The following SNTG1 variants were observed in gnomAD, a reference collection of about 807,000 sequenced individuals.
The protein encoded by SNTG1 is gamma-1-syntrophin.
In SNTG1, 39 loss-of-function variants were observed where a neutral mutation model predicts 74.7. The ratio of observed to expected loss-of-function variants is 0.52; its 90% CI spans 0.40 to 0.68. The LOEUF is 0.68. SNTG1 is among the 30% of genes least tolerant of loss of function. The pLI, the probability that SNTG1 is intolerant of heterozygous loss-of-function variation, is 0.00. For synonymous variants in SNTG1, 254 were observed against 217.1 expected (o/e 1.17, Z -1.49); for missense variants, 685 against 609.5 (o/e 1.12, Z -1.30).
intron 9 of SNTG1, among the ~76,000 whole-genome samples, chr8:50,516,834 G>A (rs908390109): frequency 1.3e-5 from 2 of 152,196 alleles, no homozygotes; most frequent in African/African-American, 4.8e-5. Context: ...GTGCCTAAAA[G>A]TGAAAGGGAG....
chr8:50,416,336 C>T (rs1281638464), intron 4 of SNTG1, among the ~76,000 whole-genome samples: 2 of 152,134 alleles, frequency 1.3e-5, no homozygotes, highest in Non-Finnish European at 2.9e-5. Context: ...TGCTTCATTC[C>T]ATTCTAAAAC....
At chr8:50,035,220 C>T (rs1818052770) in intron 1 of SNTG1, among the ~76,000 whole-genome samples, 1 of 152,188 alleles carries the variant, frequency 6.6e-6, no homozygotes, top group Non-Finnish European at 1.5e-5. Context: ...GGGTGTCTCT[C>T]TTAGAGTTGA....
At chr8:50,237,928 C>G (rs1489099582) in intron 2 of SNTG1, among the ~76,000 whole-genome samples, 1 of 152,104 alleles carries the variant, frequency 6.6e-6, no homozygotes, top group African/African-American at 2.4e-5. Flanking sequence ...ACTACTCAAA[C>G]AGTCTTCGTT....
intron 2 of SNTG1, among the ~76,000 whole-genome samples, chr8:50,239,424 T>C (rs897742326): frequency 2.6e-5 from 4 of 152,154 alleles, no homozygotes; most frequent in African/African-American, 9.7e-5. Flanking sequence ...GTTCACAAAG[T>C]GGCAGGAGAG....
chr8:50,186,447 A>G (rs552715953), intron 2 of SNTG1, among the ~76,000 whole-genome samples: 45 of 152,144 alleles, frequency 3.0e-4, no homozygotes, highest in Non-Finnish European at 5.1e-4. Flanking sequence ...TCCTTGAGGA[A>G]CACTGTCTTC....
chr8:50,479,012 A>C (rs1194406758), intron 8 of SNTG1, among the ~76,000 whole-genome samples: 1 of 152,170 alleles, frequency 6.6e-6, no homozygotes. Context: ...CATAATCTTC[A>C]TAAAACTGCT....
chr8:50,101,766 T>A (rs982136633), intron 1 of SNTG1, among the ~76,000 whole-genome samples: 5 of 151,708 alleles, frequency 3.3e-5, no homozygotes, highest in African/African-American at 4.8e-5. Context: ...TGTCCATGTG[T>A]TCTCATTGTT....
intron 9 of SNTG1, among the ~76,000 whole-genome samples, chr8:50,509,575 A>G (rs2129890989): frequency 6.6e-6 from 1 of 152,052 alleles, no homozygotes; most frequent in African/African-American, 2.4e-5. Flanking sequence ...ATTTGTTTGT[A>G]TCCTCTTGTA....
At chr8:50,145,866 C>T (rs2081843841) in intron 1 of SNTG1, among the ~76,000 whole-genome samples, 1 of 150,598 alleles carries the variant, frequency 6.6e-6, no homozygotes, top group South Asian at 2.1e-4. Context: ...AATTCAAATA[C>T]ATTTAAAGGG....
At chr8:50,334,165 G>A (rs528024470) in intron 2 of SNTG1, among the ~76,000 whole-genome samples, 14 of 152,230 alleles carry the variant, frequency 9.2e-5, no homozygotes, top group South Asian at 2.1e-4. Flanking sequence ...CCAAAGTGCC[G>A]GGATTACAGG....
At chr8:50,319,364 A>AT (rs2090441240) in intron 2 of SNTG1, among the ~76,000 whole-genome samples, 1 of 120,854 alleles carries the variant, frequency 8.3e-6, no homozygotes, top group South Asian at 2.8e-4. Context: ...ACTCCTTCTC[A>AT]AAAATAAATA....
rs144080383 is a variant in SNTG1, at chr8:50,741,754, G to A, written c.1285-10247G>A. 2.2e-3 allele frequency among the ~76,000 whole-genome samples: 337 copies of A among 152,178 alleles called. 3 individuals are homozygous for A. Among genetic ancestry groups the A allele is most frequent in the African/African-American group, 7.7e-3 (320 of 41,564 alleles). On this transcript the variant is annotated intron_variant, in intron 17 of 18. Coordinates refer to ENST00000642720, the MANE Select transcript of SNTG1 (RefSeq NM_018967.5). ...AACAAATGCACATTACTAAGTGAAA[G>A]AAGTCAATTGGAAAGGATTATATAC...
chr8:50,231,505 AAT>A (rs2085624168), intron 2 of SNTG1, among the ~76,000 whole-genome samples: 1 of 151,394 alleles, frequency 6.6e-6, no homozygotes, highest in Non-Finnish European at 1.5e-5. Flanking sequence ...GGGATGAATG[AAT>A]AAAGAAAATG....
intron 2 of SNTG1, among the ~76,000 whole-genome samples, chr8:50,376,696 A>C (rs1015206924): frequency 1.4e-5 from 2 of 144,168 alleles, no homozygotes; most frequent in Admixed American, 1.4e-4. Context: ...AAGTAGATTA[A>C]ATATATAATA....
intron 1 of SNTG1, among the ~76,000 whole-genome samples, chr8:49,943,271 C>T (rs567570893): frequency 6.9e-6 from 1 of 145,852 alleles, no homozygotes; most frequent in South Asian, 2.2e-4. Context: ...TCCTTGCTTA[C>T]AAAAAGGGAT....
intron 13 of SNTG1, among the ~76,000 whole-genome samples, chr8:50,597,298 C>T (rs576614779): frequency 1.3e-5 from 2 of 149,724 alleles, no homozygotes; most frequent in African/African-American, 4.9e-5. Context: ...TATACACACA[C>T]ATATATATAC....
intron 2 of SNTG1, among the ~76,000 whole-genome samples, chr8:50,249,381 C>T (rs947407603): frequency 6.6e-6 from 1 of 152,200 alleles, no homozygotes; most frequent in African/African-American, 2.4e-5. Flanking sequence ...AGGCCAGAGG[C>T]AGTCCTGCCC....
chr8:50,460,883 C>T (rs901145889), intron 8 of SNTG1, among the ~76,000 whole-genome samples: 2 of 152,012 alleles, frequency 1.3e-5, no homozygotes, highest in African/African-American at 2.4e-5. Context: ...TAATATACCC[C>T]TCACACATAT....
intron 1 of SNTG1, 24 bp from the exon 2 acceptor site, chr8:50,172,536 TA>T (rs984418771): frequency 6.6e-6 from 1 of 152,108 alleles, no homozygotes. Context: ...TCATAGGACT[TA>T]TTTTTTTTTA....
Sources: allele counts gnomAD v4.1 joint callset (sites outside exome capture counted in the v4.1 genomes callset), GRCh38; gene constraint gnomAD v4.1.1; transcripts MANE v1.5; gene names NCBI Gene and HGNC (gene_info 2026-07-23, HGNC 2026-07-21).